SUGCT: variants seen among roughly 807,000 people sequenced by gnomAD.
The protein encoded by SUGCT is succinyl-CoA:glutarate-CoA transferase.
SUGCT carries 41 observed loss-of-function variants against 55.0 expected under a neutral mutation model. The ratio of observed to expected loss-of-function variants is 0.74; its 90% CI spans 0.58 to 0.97. The LOEUF (loss-of-function observed/expected upper bound fraction) is 0.97. Ranked by LOEUF, SUGCT falls within the 50% of genes least tolerant of loss-of-function variation. SUGCT has a pLI of 0.00. For missense variants in SUGCT, 568 were observed against 547.8 expected (o/e 1.04, Z -0.37); for synonymous variants, 187 against 200.4 (o/e 0.93, Z 0.56).
intron 13 of SUGCT, among the ~76,000 whole-genome samples, chr7:40,843,326 A>G (rs1181799399): frequency 6.6e-6 from 1 of 151,990 alleles, no homozygotes; most frequent in African/African-American, 2.4e-5. Context: ...CCCGGCCAAC[A>G]TGGTGAAACC....
rs981204206 is a variant in SUGCT at position 40,182,304 on chromosome 7, C to T, written c.226+276C>T. Among the ~76,000 whole-genome samples, 14 of 152,256 alleles carry T rather than the reference C, an allele frequency of 9.2e-5. No homozygotes were observed. In the East Asian group the frequency reaches 1.5e-3, roughly 17 times the overall value. ...AGCTGAGGCTGGGCACAGTGGTTGA[C>T]GCCTGTAATCCCAGCACTTTGGGAG... On this transcript the variant is annotated intron_variant, in intron 3 of 13. Transcript: ENST00000335693.
At chr7:40,570,631 G>A (rs1222828490) in intron 12 of SUGCT, among the ~76,000 whole-genome samples, 2 of 152,110 alleles carry the variant, frequency 1.3e-5, no homozygotes, top group African/African-American at 4.8e-5. Flanking sequence ...TGTTTCTGAT[G>A]TCTTTTCCCC....
chr7:40,987,923 C>T, the SUGCT span, among the ~76,000 whole-genome samples: 2 of 151,970 alleles, frequency 1.3e-5, no homozygotes, highest in South Asian at 2.1e-4. Context: ...AGTGGTTGAT[C>T]GATACACTGT....
the SUGCT span, among the ~76,000 whole-genome samples, chr7:40,921,679 G>A: frequency 4.6e-5 from 7 of 152,198 alleles, no homozygotes; most frequent in Non-Finnish European, 7.3e-5. Flanking sequence ...GTCATCTCCT[G>A]CAGAGGCCTT....
At chr7:40,214,570 G>A (rs560264347) in intron 6 of SUGCT, among the ~76,000 whole-genome samples, 2 of 152,152 alleles carry the variant, frequency 1.3e-5, no homozygotes, top group South Asian at 4.1e-4. Context: ...TTGTAGTTGT[G>A]GTGATGTTCT....
At chr7:40,770,531 C>A (rs911161965) in intron 13 of SUGCT, among the ~76,000 whole-genome samples, 6 of 152,034 alleles carry the variant, frequency 3.9e-5, no homozygotes, top group Non-Finnish European at 7.4e-5. Flanking sequence ...AAGAGCATAC[C>A]CCAACTATTT....
At chr7:40,645,808 A>G (rs573102094) in intron 12 of SUGCT, among the ~76,000 whole-genome samples, 20 of 152,234 alleles carry the variant, frequency 1.3e-4, no homozygotes, top group South Asian at 6.2e-4. Context: ...TTCTCTGCCA[A>G]TCAAGCTGGG....
chr7:40,925,646 G>T, the SUGCT span, among the ~76,000 whole-genome samples: 49 of 152,168 alleles, frequency 3.2e-4, no homozygotes, highest in Non-Finnish European at 7.3e-5. Context: ...CCAGTTGAGA[G>T]CAGGGAGGAG....
chr7:40,424,814 GT>G (rs1271144400), intron 9 of SUGCT, among the ~76,000 whole-genome samples: 1 of 151,938 alleles, frequency 6.6e-6, no homozygotes, highest in East Asian at 1.9e-4. Flanking sequence ...CTGAGGATTG[GT>G]TTTTTTATGA....
chr7:41,010,157 C>T, the SUGCT span, among the ~76,000 whole-genome samples: 1 of 152,180 alleles, frequency 6.6e-6, no homozygotes, highest in African/African-American at 2.4e-5. Context: ...TCATTTATTG[C>T]TCATTATCCA....
intron 9 of SUGCT, among the ~76,000 whole-genome samples, chr7:40,345,180 G>A (rs2151185679): frequency 6.6e-6 from 1 of 152,164 alleles, no homozygotes; most frequent in Admixed American, 6.5e-5. Flanking sequence ...AAGTTTGAGA[G>A]GAAAAAAGGG....
At chr7:40,857,024 T>C (rs1251288391) in intron 13 of SUGCT, among the ~76,000 whole-genome samples, 1 of 152,184 alleles carries the variant, frequency 6.6e-6, no homozygotes, top group Non-Finnish European at 1.5e-5. Context: ...GCTGACTTCG[T>C]TTTAGAAATG....
intron 7 of SUGCT, among the ~76,000 whole-genome samples, chr7:40,261,829 C>T (rs1441621104): frequency 6.6e-6 from 1 of 152,198 alleles, no homozygotes; most frequent in Non-Finnish European, 1.5e-5. Context: ...TTTGTTCTTT[C>T]TACCCTCTGA....
At chr7:40,237,402 C>G (rs1275991487) in intron 6 of SUGCT, among the ~76,000 whole-genome samples, 3 of 151,962 alleles carry the variant, frequency 2.0e-5, no homozygotes, top group African/African-American at 7.2e-5. Flanking sequence ...CGAGATCGAA[C>G]CACTACACTC....
At chr7:40,630,705 AC>A (rs1799751361) in intron 12 of SUGCT, among the ~76,000 whole-genome samples, 1 of 152,178 alleles carries the variant, frequency 6.6e-6, no homozygotes, top group South Asian at 2.1e-4. Context: ...ACAATATGAT[AC>A]ATCTCCTGTC....
At chr7:40,981,026 C>G in the SUGCT span, among the ~76,000 whole-genome samples, 223 of 152,220 alleles carry the variant, frequency 1.5e-3, no homozygotes, top group African/African-American at 5.1e-3. Context: ...CAAGAATAAT[C>G]CTCTTTGGTT....
the SUGCT span, among the ~76,000 whole-genome samples, chr7:40,873,970 T>C: frequency 1.3e-5 from 2 of 152,194 alleles, no homozygotes; most frequent in Non-Finnish European, 2.9e-5. Context: ...ACAAGACTCA[T>C]ATCAGCAGAG....
the SUGCT span, among the ~76,000 whole-genome samples, chr7:40,982,799 C>T: frequency 1.3e-5 from 2 of 152,084 alleles, no homozygotes; most frequent in African/African-American, 4.8e-5. Flanking sequence ...AGGCATGTGC[C>T]ACTATGCCCA....
chr7:40,184,372 C>T (rs191005077), intron 3 of SUGCT, among the ~76,000 whole-genome samples: 9 of 152,166 alleles, frequency 5.9e-5, no homozygotes, highest in African/African-American at 1.4e-4. Flanking sequence ...CTTGACCTCC[C>T]GGGCTCAAGC....
Sources: gnomAD v4.1 joint callset for allele counts (sites outside exome capture counted in the v4.1 genomes callset) on GRCh38, gnomAD v4.1.1 for gene constraint, MANE v1.5 for transcripts, NCBI Gene and HGNC (gene_info 2026-07-23, HGNC 2026-07-21) for gene names.